VPS13B: variants seen among roughly 807,000 people sequenced by gnomAD.
The protein encoded by VPS13B is vacuolar protein sorting 13 homolog B.
Under a neutral mutation model 426.4 loss-of-function variants are expected in VPS13B, and 285 were observed. The ratio of observed to expected loss-of-function variants is 0.67; its 90% CI spans 0.61 to 0.74. The LOEUF (loss-of-function observed/expected upper bound fraction) is 0.74. Among genes scored for constraint, VPS13B ranks in the 30% least tolerant of loss-of-function variants. VPS13B has a pLI of 0.00. For synonymous variants in VPS13B, 1,676 were observed against 1,676.4 expected, an observed-to-expected ratio of 1.00 and a Z score of 0.01; for missense variants, 4,537 against 4,782.6, an observed-to-expected ratio of 0.95 and a Z score of 1.51.
chr8:99,840,397 T>C (rs1815622828), intron 54 of VPS13B, among the ~76,000 whole-genome samples: 1 of 152,248 alleles, frequency 6.6e-6, no homozygotes, highest in Admixed American at 6.5e-5. Flanking sequence ...AAATCACTTT[T>C]TAAAAAATTG....
At chr8:99,351,715 C>A (rs2096768607) in intron 19 of VPS13B, among the ~76,000 whole-genome samples, 1 of 151,912 alleles carries the variant, frequency 6.6e-6, no homozygotes, top group South Asian at 2.1e-4. Context: ...AACAAATATA[C>A]ATCTTACTTA....
rs1398446762 is a variant in VPS13B at position 99,096,442 on chromosome 8, A to G, written c.412+10A>G. The stretch of plus-strand genomic sequence containing the variant: ...CCTGACTTACCACCAGGTAACTTCT[A>G]ATGGGATCAATAAAACCAAATTTCA... On this transcript the variant is annotated intron_variant, in intron 4 of 61. Transcript: ENST00000357162. 3 of 1,613,838 alleles carry G rather than the reference A, an allele frequency of 1.9e-6. No individual in the cohort carries two copies. The South Asian group carries it at 3.3e-5, about 18-fold the overall frequency.
At chr8:99,531,893 T>C (rs1328365040) in intron 30 of VPS13B, among the ~76,000 whole-genome samples, 1 of 152,148 alleles carries the variant, frequency 6.6e-6, no homozygotes, top group Non-Finnish European at 1.5e-5. Context: ...CAAAAGCTCT[T>C]CATACCTATT....
chr8:99,871,768 A>AC (rs1817428688), intron 61 of VPS13B, 71 bp downstream of exon 61: 2 of 1,607,734 alleles, frequency 1.2e-6, no homozygotes, highest in Admixed American at 3.3e-5. Context: ...GGTCACTGGT[A>AC]CCTAGGCATT....
chr8:99,286,865 G>A (rs1408546488), intron 19 of VPS13B, among the ~76,000 whole-genome samples: 2 of 152,010 alleles, frequency 1.3e-5, no homozygotes, highest in African/African-American at 2.4e-5. Flanking sequence ...TGATACCACC[G>A]GCAGAGGGCA....
chr8:99,875,551 C>CT lies in VPS13B; in HGVS notation c.11880dup (p.Pro3961SerfsTer6), dbSNP rs1057517328. 1 of 1,614,158 alleles carries CT rather than the reference C, an allele frequency of 6.2e-7. No individual in the cohort carries two copies. The highest frequency in any genetic ancestry group is 1.3e-5 in the African/African-American group (1 of 75,026). On this transcript the variant is annotated frameshift_variant, in exon 62 of 62. Transcript: ENST00000357162. LOFTEE classifies it high-confidence loss of function. Reference sequence around the variant, plus strand: ...CCATGCCCTGTGGTGGCTGCAGAACCTCCCCCCTCCACTGTTAAAACATAC... The same window carrying CT: ...CCATGCCCTGTGGTGGCTGCAGAACCTTCCCCCCTCCACTGTTAAAACATAC...
At chr8:99,057,547 G>A (rs1390653924) in intron 3 of VPS13B, among the ~76,000 whole-genome samples, 1 of 151,898 alleles carries the variant, frequency 6.6e-6, no homozygotes. Flanking sequence ...CACTCTCCTT[G>A]GATAATTTTA....
At chr8:99,225,349 A>G (rs1246631363) in intron 17 of VPS13B, among the ~76,000 whole-genome samples, 1 of 151,262 alleles carries the variant, frequency 6.6e-6, no homozygotes, top group East Asian at 1.9e-4. Context: ...GCGCGATCTC[A>G]GCTCACTGCA....
chr8:99,721,167 A>ACAGATGTGTAT, intron 39 of VPS13B, 120 bp downstream of exon 39: 1 of 1,045,300 alleles, frequency 9.6e-7, no homozygotes, highest in Non-Finnish European at 1.5e-6. Context: ...AGAAATACAC[A>ACAGATGTGTAT]TCTGTGTGTG....
At chr8:99,736,371 G>A (rs1247297226) in intron 39 of VPS13B, among the ~76,000 whole-genome samples, 5 of 152,108 alleles carry the variant, frequency 3.3e-5, no homozygotes, top group East Asian at 1.9e-4. Flanking sequence ...TCAGGAGTTC[G>A]AGACTAGCCT....
intron 23 of VPS13B, among the ~76,000 whole-genome samples, chr8:99,461,854 A>AAT (rs1818848933): frequency 6.6e-6 from 1 of 152,174 alleles, no homozygotes. Flanking sequence ...ATTGACATAA[A>AAT]CTAAATATCA....
At chr8:99,861,562 A>C (rs1295414729) in intron 57 of VPS13B, among the ~76,000 whole-genome samples, 1 of 152,208 alleles carries the variant, frequency 6.6e-6, no homozygotes, top group Non-Finnish European at 1.5e-5. Flanking sequence ...CTGGCCTCCC[A>C]CAGTGCTGGG....
chr8:99,359,942 ACAGGCACGTGGCACCATGCC>A (rs1812406709), intron 19 of VPS13B, among the ~76,000 whole-genome samples: 1 of 152,134 alleles, frequency 6.6e-6, no homozygotes, highest in South Asian at 2.1e-4. Context: ...AACTGGGACT[ACAGGCACGTGGCACCATGCC>A]CAGCTAACTT....
chr8:99,242,376 A>C (rs1350056943), intron 17 of VPS13B, among the ~76,000 whole-genome samples: 2 of 152,202 alleles, frequency 1.3e-5, no homozygotes, highest in Non-Finnish European at 2.9e-5. Context: ...TATATGTATA[A>C]ATTAAGAATT....
chr8:99,380,880 T>C (rs927072389), intron 19 of VPS13B, among the ~76,000 whole-genome samples: 1 of 151,440 alleles, frequency 6.6e-6, no homozygotes, highest in East Asian at 1.9e-4. Context: ...TTCTTTCTTT[T>C]TTTTTTTTTT....
chr8:99,631,307 A>G (rs1828836820), intron 33 of VPS13B, among the ~76,000 whole-genome samples: 1 of 152,104 alleles, frequency 6.6e-6, no homozygotes, highest in Non-Finnish European at 1.5e-5. Context: ...ATGTTTGTCT[A>G]TAAAGAGGAC....
At chr8:99,449,292 A>G (rs549105067) in intron 23 of VPS13B, among the ~76,000 whole-genome samples, 1 of 152,290 alleles carries the variant, frequency 6.6e-6, no homozygotes, top group Non-Finnish European at 1.5e-5. Context: ...TTACATAGTT[A>G]ATATTATGGT....
At chr8:99,354,325 T>C (rs1812067183) in intron 19 of VPS13B, among the ~76,000 whole-genome samples, 2 of 134,582 alleles carry the variant, frequency 1.5e-5, no homozygotes, top group Admixed American at 7.6e-5. Flanking sequence ...GAGTCTGTGC[T>C]TTCTAAACAA....
At chr8:99,823,718 A>C in intron 50 of VPS13B, 114 bp from the exon 51 acceptor site, 1 of 1,138,882 alleles carries the variant, frequency 8.8e-7, no homozygotes, top group Non-Finnish European at 1.3e-6. Context: ...AACAAAGGTA[A>C]AATTGGTACT....
Sources: gnomAD v4.1 joint callset for allele counts (sites outside exome capture counted in the v4.1 genomes callset) on GRCh38, gnomAD v4.1.1 for gene constraint, MANE v1.5 for transcripts, NCBI Gene and HGNC (gene_info 2026-07-23, HGNC 2026-07-21) for gene names.